ADCY8: variants seen among roughly 807,000 people sequenced by gnomAD.
ADCY8 encodes the protein adenylate cyclase 8.
ADCY8 carries 51 observed loss-of-function variants against 119.7 expected under a neutral mutation model. The ratio of observed to expected loss-of-function variants is 0.43; its 90% CI spans 0.34 to 0.54. ADCY8 has a LOEUF of 0.54. Among genes scored for constraint, ADCY8 ranks in the 20% least tolerant of loss-of-function variants. The probability of loss-of-function intolerance (pLI) is 0.03; values close to 1 mark genes in which losing one functional copy is unlikely to be tolerated. For synonymous variants in ADCY8, 665 were observed against 651.0 expected, an observed-to-expected ratio of 1.02 and a Z score of -0.33; for missense variants, 1,383 against 1,598.8, an observed-to-expected ratio of 0.87 and a Z score of 2.30.
chr8:130,818,950 T>A (rs1816427323), intron 13 of ADCY8, among the ~76,000 whole-genome samples: 1 of 152,360 alleles, frequency 6.6e-6, no homozygotes, highest in African/African-American at 2.4e-5. Flanking sequence ...TAACAATACC[T>A]GCCTTGTTTT....
chr8:130,884,177 G>A (rs1818890748), intron 8 of ADCY8, among the ~76,000 whole-genome samples: 1 of 152,126 alleles, frequency 6.6e-6, no homozygotes. Flanking sequence ...TCAAGTTATT[G>A]GGTGCCCTCA....
At chr8:130,901,242 CTTTT>C (rs34424673) in intron 7 of ADCY8, among the ~76,000 whole-genome samples, 2 of 115,580 alleles carry the variant, frequency 1.7e-5, no homozygotes, top group Admixed American at 1.9e-4. Flanking sequence ...CATCCCTCCT[CTTTT>C]TTTTTTTTTT....
At chr8:130,885,479 C>T (rs7465009) in intron 7 of ADCY8, among the ~76,000 whole-genome samples, 121,681 of 151,804 alleles carry the variant, frequency 0.8, 49,026 homozygotes, top group African/African-American at 0.87. Flanking sequence ...ACCACCACGG[C>T]TGGTCACTGG....
intron 5 of ADCY8, among the ~76,000 whole-genome samples, chr8:130,916,077 G>A (rs7459542): frequency 0.089 from 13,507 of 152,216 alleles, 642 homozygotes; most frequent in Non-Finnish European, 0.1. Context: ...GTTTACAAGT[G>A]AGAGAACTGA....
intron 5 of ADCY8, among the ~76,000 whole-genome samples, chr8:130,917,338 T>C (rs908642758): frequency 2.6e-5 from 4 of 152,210 alleles, no homozygotes; most frequent in African/African-American, 9.6e-5. Flanking sequence ...CAATGTGGTT[T>C]ATTCCCATTT....
intron 14 of ADCY8, among the ~76,000 whole-genome samples, chr8:130,807,983 C>CAAAAACAAAAAA (rs1816026472): frequency 2.1e-5 from 1 of 47,224 alleles, no homozygotes; most frequent in Non-Finnish European, 4.0e-5. Context: ...GACTCCGTCT[C>CAAAAACAAAAAA]AAAAAAAAAA....
chr8:130,918,538 T>C (rs914850295), intron 5 of ADCY8, among the ~76,000 whole-genome samples: 1 of 152,214 alleles, frequency 6.6e-6, no homozygotes, highest in Admixed American at 6.5e-5. Context: ...ATGAAATATA[T>C]TTTAAGAGAT....
chr8:131,008,928 T>C (rs1041985738), intron 1 of ADCY8, among the ~76,000 whole-genome samples: 2 of 152,166 alleles, frequency 1.3e-5, no homozygotes, highest in African/African-American at 4.8e-5. Context: ...GCCCCTGCCC[T>C]AGAGATCTGT....
chr8:130,909,682 A>G lies in ADCY8; in HGVS notation c.1640+26T>C, dbSNP rs777634313. On this transcript the variant is annotated intron_variant, in intron 6 of 17. Transcript: ENST00000286355. ...AATAAGCCAATGACAACCGTTAAGC[A>G]TGAAAAGGGCTTTGCTTTATCTTAC... The G allele has an allele frequency of 3.1e-6, 5 of 1,613,910 alleles. No individual in the cohort carries two copies. In the South Asian group the frequency reaches 5.5e-5, roughly 18 times the overall value.
At chr8:130,813,450 A>C (rs1305750450) in intron 14 of ADCY8, among the ~76,000 whole-genome samples, 1 of 151,670 alleles carries the variant, frequency 6.6e-6, no homozygotes, top group Non-Finnish European at 1.5e-5. Context: ...GAATTTGACC[A>C]CTCTAGGTAC....
At chr8:131,022,062 G>A (rs576428316) in intron 1 of ADCY8, among the ~76,000 whole-genome samples, 14 of 152,260 alleles carry the variant, frequency 9.2e-5, no homozygotes, top group Middle Eastern at 6.8e-3. Flanking sequence ...CTTGGTCTGC[G>A]TATTTTGATA....
At chr8:131,022,365 A>T (rs1010326702) in intron 1 of ADCY8, among the ~76,000 whole-genome samples, 10 of 152,152 alleles carry the variant, frequency 6.6e-5, no homozygotes, top group African/African-American at 2.4e-4. Flanking sequence ...GAATGAGAAC[A>T]TACAGTGTTT....
rs960885183 is a variant in ADCY8 at position 130,969,102 on chromosome 8, T to C, written c.1111-17104A>G. Among the ~76,000 whole-genome samples the C allele has an allele frequency of 3.3e-5, 5 of 152,338 alleles. No individual in the cohort carries two copies. The East Asian group carries it at 7.7e-4, about 23-fold the overall frequency. ...CATGGTGCACAGATATTAGATTATATGTTATTCTGGATGTTTCTGTGAAGG... is the reference window on the plus strand; with the variant it reads ...CATGGTGCACAGATATTAGATTATACGTTATTCTGGATGTTTCTGTGAAGG... On this transcript the variant is annotated intron_variant, in intron 2 of 17. Transcript: ENST00000286355.
At chr8:130,922,311 CA>C in intron 5 of ADCY8, among the ~76,000 whole-genome samples, 1 of 146,370 alleles carries the variant, frequency 6.8e-6, no homozygotes, top group Admixed American at 7.0e-5. Context: ...AGCAGATAAA[CA>C]AGTGAACAAA....
intron 7 of ADCY8, among the ~76,000 whole-genome samples, chr8:130,896,017 G>T (rs1252309133): frequency 6.6e-6 from 1 of 151,742 alleles, no homozygotes; most frequent in Non-Finnish European, 1.5e-5. Context: ...AAGAAACTCA[G>T]GCTGAGATGG....
intron 8 of ADCY8, 53 bp downstream of exon 8, chr8:130,884,511 A>T (rs972120774): frequency 1.3e-6 from 2 of 1,586,822 alleles, no homozygotes; most frequent in Non-Finnish European, 1.7e-6. Context: ...AGTCCCATGA[A>T]CATCTACCAC....
Position 130,851,139 on chromosome 8 carries a change from ATATT to A in ADCY8, c.2211-1340_2211-1337del, listed in dbSNP as rs149150013. 3.4e-3 allele frequency among the ~76,000 whole-genome samples: 518 copies of A among 152,306 alleles called. 7 individuals are homozygous for A. The highest frequency in any genetic ancestry group is 0.012 in the African/African-American group (488 of 41,554). ...TTTTTGCTTTTATGGTTTCATCATA[ATATT>A]TATTTATTCAACAAGTCTTCTTCCC... is the stretch of plus-strand genomic sequence containing the variant. On this transcript the variant is annotated intron_variant, in intron 9 of 17. Transcript: ENST00000286355.
At chr8:130,928,960 TC>T (rs1820551183) in intron 5 of ADCY8, among the ~76,000 whole-genome samples, 1 of 152,194 alleles carries the variant, frequency 6.6e-6, no homozygotes, top group East Asian at 1.9e-4. Flanking sequence ...TGACTCAATC[TC>T]CTTACTTGCT....
At chr8:131,023,532 T>C (rs964456427) in intron 1 of ADCY8, among the ~76,000 whole-genome samples, 7 of 152,214 alleles carry the variant, frequency 4.6e-5, no homozygotes, top group Non-Finnish European at 7.3e-5. Flanking sequence ...GCCACTTTCA[T>C]AAGTTTTATA....
Sources: allele counts gnomAD v4.1 joint callset (sites outside exome capture counted in the v4.1 genomes callset), GRCh38; gene constraint gnomAD v4.1.1; transcripts MANE v1.5; gene names NCBI Gene and HGNC (gene_info 2026-07-23, HGNC 2026-07-21).